C14orf93: variants seen among roughly 807,000 people sequenced by gnomAD.
The protein encoded by C14orf93 is uncharacterized protein C14orf93.
C14orf93 carries 23 observed loss-of-function variants against 44.0 expected under a neutral mutation model. That is an observed-to-expected ratio of 0.52 (90% CI 0.38 to 0.74). The LOEUF is 0.74. Ranked by LOEUF, C14orf93 falls within the 30% of genes least tolerant of loss-of-function variation. C14orf93 has a pLI of 0.00. For missense variants in C14orf93, 579 were observed against 678.9 expected (o/e 0.85, Z 1.64); for synonymous variants, 253 against 265.7 (o/e 0.95, Z 0.46).
At chr14:22,992,395 G>A (rs969479157) in intron 3 of C14orf93, among the ~76,000 whole-genome samples, 4 of 150,848 alleles carry the variant, frequency 2.7e-5, no homozygotes, top group African/African-American at 9.7e-5. Flanking sequence ...GAACCCAGGA[G>A]GCGGAGGTTG....
chr14:23,007,913 G>A (rs1313943216), intron 1 of C14orf93, among the ~76,000 whole-genome samples: 2 of 152,142 alleles, frequency 1.3e-5, no homozygotes, highest in Admixed American at 6.5e-5. Flanking sequence ...AGCACTTTGA[G>A]AGGCAGAGGC....
chr14:23,004,828 G>C (rs1415081280), intron 1 of C14orf93, among the ~76,000 whole-genome samples: 1 of 152,144 alleles, frequency 6.6e-6, no homozygotes, highest in South Asian at 2.1e-4. Context: ...TGAGGCAGGA[G>C]AATCACTTGA....
rs1014289010 is a variant in C14orf93, at chr14:23,006,373, G to T, written c.-380+3728C>A. 11 of 152,098 alleles carry T rather than the reference G, an allele frequency of 7.2e-5. No individual in the cohort carries two copies. In the East Asian group the frequency reaches 1.3e-3, roughly 19 times the overall value. 9.4% of individuals were successfully genotyped at this position (152,098 alleles called of 1,614,324 possible). On this transcript the variant is annotated intron_variant, in intron 1 of 6. Coordinates refer to ENST00000299088, the MANE Select transcript of C14orf93 (RefSeq NM_021944.4). Reference sequence around the variant, plus strand: ...GACTAATGGTCTGCAAAAAATCCAAGACCTTATTTTTAGGGGTAAAAAAGA... The same window carrying T: ...GACTAATGGTCTGCAAAAAATCCAATACCTTATTTTTAGGGGTAAAAAAGA...
Position 22,998,950 on chromosome 14 carries a change from T to G in C14orf93, c.74A>C (p.Lys25Thr), listed in dbSNP as rs1225382368. 6.2e-7 allele frequency: 1 copy of G among 1,613,926 alleles called. No homozygotes were observed. The highest frequency in any genetic ancestry group is 1.7e-5 in the Admixed American group (1 of 60,014). Reference sequence around the variant, plus strand: ...TGTGTTGCCTCCATTAGTCTCACTCTTACAGGCGCAGCAGCAGCATCTGGC... The same window carrying G: ...TGTGTTGCCTCCATTAGTCTCACTCGTACAGGCGCAGCAGCAGCATCTGGC... ...SEARCCCCAC[K>T]SETNGGNTGS... Residue 25 changes from lysine (K) to threonine (T), a missense_variant, in exon 2 of 7, where the codon AAG (lysine) becomes ACG (threonine). Physicochemically the swap from Lys to Thr is moderately conservative, Grantham distance 78. Coordinates refer to ENST00000299088, the MANE Select transcript of C14orf93 (RefSeq NM_021944.4).
chr14:22,989,641 C>T (rs1231935219), intron 5 of C14orf93, 101 bp downstream of exon 5: 2 of 848,254 alleles, frequency 2.4e-6, no homozygotes, highest in African/African-American at 3.4e-5. Flanking sequence ...TTCAAAACCA[C>T]CTAATCATCT....
intron 3 of C14orf93, among the ~76,000 whole-genome samples, chr14:22,992,005 A>G (rs2045667054): frequency 6.6e-6 from 1 of 152,236 alleles, no homozygotes; most frequent in Non-Finnish European, 1.5e-5. Context: ...AGAAATCTAA[A>G]ATAACAGAAA....
chr14:22,995,827 C>T, intron 3 of C14orf93, 121 bp downstream of exon 3: 1 of 900,092 alleles, frequency 1.1e-6, no homozygotes, highest in Non-Finnish European at 1.6e-6. Flanking sequence ...TTATCCCTCC[C>T]ACTCTGGTAG....
chr14:22,997,445 A>G (rs530209896), intron 2 of C14orf93, among the ~76,000 whole-genome samples: 1 of 152,224 alleles, frequency 6.6e-6, no homozygotes, highest in Admixed American at 6.5e-5. Context: ...AAAAGAGAGG[A>G]CAGACGGAGA....
chr14:23,008,561 C>T (rs2046749548), intron 1 of C14orf93, among the ~76,000 whole-genome samples: 1 of 151,860 alleles, frequency 6.6e-6, no homozygotes, highest in Non-Finnish European at 1.5e-5. Flanking sequence ...TGTGACATTC[C>T]AGTTTCTCCC....
At chr14:23,004,880 T>C (rs2046549460) in intron 1 of C14orf93, among the ~76,000 whole-genome samples, 1 of 152,168 alleles carries the variant, frequency 6.6e-6, no homozygotes, top group African/African-American at 2.4e-5. Context: ...ATCGCACCAC[T>C]GCACTCCAGC....
At chr14:23,008,411 T>C in intron 1 of C14orf93, among the ~76,000 whole-genome samples, 1 of 152,230 alleles carries the variant, frequency 6.6e-6, no homozygotes. Flanking sequence ...GCAGTCAGTA[T>C]TTAGGAGTCA....
intron 1 of C14orf93, chr14:23,005,783 TAAAAA>T (rs1427896418): frequency 1.3e-5 from 2 of 152,190 alleles, no homozygotes; most frequent in Non-Finnish European, 2.9e-5. Flanking sequence ...AATATTTAGA[TAAAAA>T]AGAAAGACAA....
In C14orf93 at chr14:22,998,358, CA is replaced by C. The variant is rs372670618; in HGVS notation, c.597+68del. 1.4e-4 allele frequency: 196 copies of C among 1,432,570 alleles called. 1 individual carries two copies. The African/African-American group carries it at 2.4e-3, about 17-fold the overall frequency. 88.7% of individuals were successfully genotyped at this position (1,432,570 alleles called of 1,614,324 possible). A position where few individuals can be genotyped will look rare whatever the true frequency, so the allele number is the denominator to read the frequency against. On this transcript the variant is annotated intron_variant, in intron 2 of 6. Transcript: ENST00000299088. The stretch of plus-strand genomic sequence containing the variant: ...AGGTTTAAAGATGGAAAGAAAAGAA[CA>C]GAAAGGAAAAAGAGTGAAAAGCCAG...
intron 3 of C14orf93, among the ~76,000 whole-genome samples, chr14:22,991,512 T>C (rs190099151): frequency 6.6e-6 from 1 of 151,368 alleles, no homozygotes; most frequent in African/African-American, 2.4e-5. Flanking sequence ...CAAAGTGTGC[T>C]GGGATTACAG....
intron 1 of C14orf93, among the ~76,000 whole-genome samples, chr14:23,002,945 C>T (rs959427111): frequency 6.6e-6 from 1 of 152,172 alleles, no homozygotes; most frequent in Non-Finnish European, 1.5e-5. Context: ...TAACAAACAA[C>T]ACATTCCTCA....
chr14:22,998,301 T>C, intron 2 of C14orf93, 126 bp downstream of exon 2: 1 of 1,273,368 alleles, frequency 7.9e-7, no homozygotes, highest in Non-Finnish European at 1.0e-6. Flanking sequence ...GGAAACGTGG[T>C]ACTGTTTTGC....
chr14:22,998,235 G>A, intron 2 of C14orf93, 192 bp downstream of exon 2: 4 of 840,420 alleles, frequency 4.8e-6, no homozygotes. Context: ...ATGACCTTCT[G>A]CCAAAGAAGC....
At position 23,000,336 on chromosome 14, in the gene C14orf93, T is replaced by C. The variant is rs541457100; in HGVS notation, c.-379-934A>G. On this transcript the variant is annotated intron_variant, in intron 1 of 6. Transcript: ENST00000299088. ...TGATAGAAAAAAAATCCTTCTGATG[T>C]GCCATGTCAAAACCTTAAGTATGTT... Among the ~76,000 whole-genome samples, 366 of 152,254 alleles carry C rather than the reference T, an allele frequency of 2.4e-3. 1 individual carries two copies. Among genetic ancestry groups the C allele is most frequent in the African/African-American group, 8.4e-3 (348 of 41,560 alleles).
chr14:23,004,649 T>G (rs548643538), intron 1 of C14orf93, among the ~76,000 whole-genome samples: 1 of 152,300 alleles, frequency 6.6e-6, no homozygotes, highest in East Asian at 1.9e-4. Context: ...CCAGGTGCAG[T>G]GGCTCAAACC....
Sources: allele counts gnomAD v4.1 joint callset (sites outside exome capture counted in the v4.1 genomes callset), GRCh38; gene constraint gnomAD v4.1.1; transcripts MANE v1.5; gene names NCBI Gene and HGNC (gene_info 2026-07-23, HGNC 2026-07-21).